The following EXOC4 variants were observed in gnomAD, a reference collection of about 807,000 sequenced individuals.
The protein encoded by EXOC4 is SEC8-like 1.
In EXOC4, 71 loss-of-function variants were observed where a neutral mutation model predicts 107.2. The ratio of observed to expected loss-of-function variants is 0.66; its 90% CI spans 0.55 to 0.81. The LOEUF (loss-of-function observed/expected upper bound fraction) is 0.81. EXOC4 is among the 30% of genes least tolerant of loss of function. The pLI is 0.00. For missense variants in EXOC4, 1,108 were observed against 1,189.6 expected, an observed-to-expected ratio of 0.93 and a Z score of 1.01; for synonymous variants, 456 against 441.2, an observed-to-expected ratio of 1.03 and a Z score of -0.42.
At chr7:133,254,628 T>C (rs1018188213) in intron 1 of EXOC4, among the ~76,000 whole-genome samples, 1 of 152,224 alleles carries the variant, frequency 6.6e-6, no homozygotes, top group Non-Finnish European at 1.5e-5. Context: ...TATTGAATAA[T>C]ATTTGTTGAC....
chr7:133,774,630 A>C (rs746739762), intron 10 of EXOC4, among the ~76,000 whole-genome samples: 1 of 152,146 alleles, frequency 6.6e-6, no homozygotes, highest in African/African-American at 2.4e-5. Context: ...AGCAGTTTAA[A>C]CAATCTACTT....
intron 12 of EXOC4, among the ~76,000 whole-genome samples, chr7:133,913,145 G>A (rs1278556132): frequency 6.6e-6 from 1 of 152,178 alleles, no homozygotes; most frequent in African/African-American, 2.4e-5. Context: ...GAAAACTTTG[G>A]AATACTCATC....
chr7:134,022,844 C>T (rs1795057785), intron 17 of EXOC4, among the ~76,000 whole-genome samples: 1 of 152,198 alleles, frequency 6.6e-6, no homozygotes, highest in Non-Finnish European at 1.5e-5. Context: ...GAATTGTTCA[C>T]ATGTATTTTC....
intron 5 of EXOC4, among the ~76,000 whole-genome samples, chr7:133,330,453 T>G (rs560594143): frequency 1.3e-5 from 2 of 152,270 alleles, no homozygotes; most frequent in East Asian, 3.9e-4. Flanking sequence ...TTGCTGGTGT[T>G]CCAAGCATCC....
At position 133,857,342 on chromosome 7, in the gene EXOC4, T is replaced by TATACAC. The variant is rs1244434062; in HGVS notation, c.1735-38254_1735-38253insCACATA. On this transcript the variant is annotated intron_variant, in intron 11 of 17. Transcript: ENST00000253861. ...ATATACACGTATATATATATATATATATATATATATATATATATATATATT... is the reference window on the plus strand; with the variant it reads ...ATATACACGTATATATATATATATATATACACATATATATATATATATATATATATT... Among the ~76,000 whole-genome samples, 2 of 29,858 alleles carry TATACAC rather than the reference T, an allele frequency of 6.7e-5. 1 individual carries two copies. Among genetic ancestry groups the TATACAC allele is most frequent in the Non-Finnish European group, 1.2e-4 (2 of 17,172 alleles). 19.6% of individuals were successfully genotyped at this position (29,858 alleles called of 152,430 possible). A position where few individuals can be genotyped will look rare whatever the true frequency, so the allele number is the denominator to read the frequency against.
intron 12 of EXOC4, among the ~76,000 whole-genome samples, chr7:133,915,232 A>G (rs1799779914): frequency 9.0e-6 from 1 of 111,442 alleles, no homozygotes; most frequent in African/African-American, 5.1e-5. Flanking sequence ...TGCAGGGAAG[A>G]GATTCATTCA....
At chr7:133,514,496 T>C (rs1320644302) in intron 9 of EXOC4, among the ~76,000 whole-genome samples, 2 of 152,150 alleles carry the variant, frequency 1.3e-5, no homozygotes, top group African/African-American at 4.8e-5. Context: ...AGTAACTTTC[T>C]TTTTCTCCAT....
At chr7:133,277,651 C>T (rs1584771191) in intron 2 of EXOC4, among the ~76,000 whole-genome samples, 1 of 152,118 alleles carries the variant, frequency 6.6e-6, no homozygotes, top group Admixed American at 6.5e-5. Flanking sequence ...ATAATTGTCA[C>T]GAAAGTAAAT....
At position 133,304,445 on chromosome 7, in the gene EXOC4, GCTGGCCCAGGGCTTGTCACT is replaced by G. The variant is rs554018886; in HGVS notation, c.472-1429_472-1410del. On this transcript the variant is annotated intron_variant, in intron 3 of 17. Transcript: ENST00000253861. Reference sequence around the variant, plus strand: ...GAACTGGTAGGCTTCAGAGGGCAGAGCTGGCCCAGGGCTTGTCACTCTCCCATTCCTTGATTCTTTCTTGG... The same window carrying G: ...GAACTGGTAGGCTTCAGAGGGCAGAGCTCCCATTCCTTGATTCTTTCTTGG... 6.6e-5 allele frequency among the ~76,000 whole-genome samples: 10 copies of G among 152,304 alleles called. No homozygotes were observed. In the East Asian group the frequency reaches 1.9e-3, roughly 29 times the overall value.
intron 3 of EXOC4, among the ~76,000 whole-genome samples, chr7:133,300,744 G>C (rs1794623478): frequency 2.7e-5 from 4 of 145,974 alleles, no homozygotes; most frequent in Admixed American, 2.7e-4. Context: ...AGAGTGCTGT[G>C]ATGTCCCAGA....
intron 7 of EXOC4, among the ~76,000 whole-genome samples, chr7:133,409,869 T>C (rs1237881689): frequency 6.6e-6 from 1 of 152,210 alleles, no homozygotes; most frequent in Non-Finnish European, 1.5e-5. Context: ...AGATCTTTCT[T>C]ATAAGGGAAA....
At chr7:134,021,193 C>T (rs1301792257) in intron 17 of EXOC4, among the ~76,000 whole-genome samples, 1 of 152,142 alleles carries the variant, frequency 6.6e-6, no homozygotes, top group Non-Finnish European at 1.5e-5. Context: ...CATAAAGATA[C>T]TGTAAACATG....
intron 10 of EXOC4, among the ~76,000 whole-genome samples, chr7:133,751,180 C>T (rs1795786873): frequency 2.6e-5 from 4 of 152,170 alleles, no homozygotes; most frequent in Admixed American, 2.6e-4. Context: ...TGTCTTTCTC[C>T]TTTTCCAACA....
chr7:133,387,554 A>G (rs534865126), intron 7 of EXOC4, among the ~76,000 whole-genome samples: 1 of 152,268 alleles, frequency 6.6e-6, no homozygotes, highest in South Asian at 2.1e-4. Context: ...ACTGGAAACA[A>G]TTATATCATC....
chr7:133,523,463 T>C (rs574170566), intron 9 of EXOC4, among the ~76,000 whole-genome samples: 1 of 152,074 alleles, frequency 6.6e-6, no homozygotes, highest in East Asian at 1.9e-4. Flanking sequence ...TAATTATACT[T>C]TAAGTTTTAG....
At chr7:133,630,856 C>T (rs998894105) in intron 10 of EXOC4, among the ~76,000 whole-genome samples, 2 of 152,044 alleles carry the variant, frequency 1.3e-5, no homozygotes, top group African/African-American at 4.8e-5. Flanking sequence ...AAGTAAGAAT[C>T]CATGGTGCCT....
At chr7:133,256,072 T>G (rs964543082) in intron 1 of EXOC4, among the ~76,000 whole-genome samples, 1 of 151,918 alleles carries the variant, frequency 6.6e-6, no homozygotes, top group Non-Finnish European at 1.5e-5. Flanking sequence ...AGCTCCGCCT[T>G]CCGGGTTCAC....
At chr7:134,082,461 A>G in the EXOC4 span, among the ~76,000 whole-genome samples, 5 of 152,038 alleles carry the variant, frequency 3.3e-5, no homozygotes, top group African/African-American at 1.2e-4. Context: ...TTGTTGTTGG[A>G]TACTGAGTCT....
rs749214011 is a variant in EXOC4, at chr7:134,007,704, C to T, written c.2556C>T (p.Leu852=). 3 of 1,613,494 alleles carry T rather than the reference C, an allele frequency of 1.9e-6. No individual in the cohort carries two copies. The highest frequency in any genetic ancestry group is 2.2e-5 in the East Asian group (1 of 44,854). Reference sequence around the variant, plus strand: ...TGGGCCACCTGATCTCCTGCATCCTCATTAATGGTGCCCAGTACTTCAGGC... The same window carrying T: ...TGGGCCACCTGATCTCCTGCATCCTTATTAATGGTGCCCAGTACTTCAGGC... ...EGLGHLISCI[L]INGAQYFRRI... Residue 852 remains leucine (L), a synonymous_variant, in exon 17 of 18, where the codon CTC becomes CTT. Transcript: ENST00000253861.
Sources: allele counts gnomAD v4.1 joint callset (sites outside exome capture counted in the v4.1 genomes callset), GRCh38; gene constraint gnomAD v4.1.1; transcripts MANE v1.5; gene names NCBI Gene and HGNC (gene_info 2026-07-23, HGNC 2026-07-21).